The following HS3ST4 variants were observed in gnomAD, a reference collection of about 807,000 sequenced individuals.
HS3ST4 encodes heparan sulfate glucosamine 3-O-sulfotransferase 4.
HS3ST4 carries 17 observed loss-of-function variants against 29.2 expected under a neutral mutation model. The observed-to-expected ratio is 0.58, with a 90% CI of 0.40 to 0.87. HS3ST4 has a LOEUF of 0.87. Ranked by LOEUF, HS3ST4 falls within the 40% of genes least tolerant of loss-of-function variation. The probability of loss-of-function intolerance (pLI) is 0.00; values close to 1 mark genes in which losing one functional copy is unlikely to be tolerated. For synonymous variants in HS3ST4, 314 were observed against 285.7 expected, an observed-to-expected ratio of 1.10 and a Z score of -1.00; for missense variants, 627 against 634.5, an observed-to-expected ratio of 0.99 and a Z score of 0.13.
intron 1 of HS3ST4, among the ~76,000 whole-genome samples, chr16:25,976,283 A>G (rs1281986700): frequency 1.3e-5 from 2 of 152,108 alleles, no homozygotes; most frequent in Non-Finnish European, 2.9e-5. Flanking sequence ...TTATCTGCTC[A>G]TATTTCTCCA....
At chr16:25,795,934 T>C (rs1423696097) in intron 1 of HS3ST4, among the ~76,000 whole-genome samples, 1 of 150,418 alleles carries the variant, frequency 6.6e-6, no homozygotes, top group Non-Finnish European at 1.5e-5. Flanking sequence ...ACTGTGAGAC[T>C]GTCAAAACTC....
intron 1 of HS3ST4, among the ~76,000 whole-genome samples, chr16:26,117,350 G>A (rs1469339493): frequency 6.6e-6 from 1 of 152,218 alleles, no homozygotes; most frequent in Non-Finnish European, 1.5e-5. Flanking sequence ...TTGAGGAAGA[G>A]ACAGGCTGAA....
intron 1 of HS3ST4, among the ~76,000 whole-genome samples, chr16:25,817,614 G>T (rs754687939): frequency 6.6e-6 from 1 of 152,176 alleles, no homozygotes; most frequent in Non-Finnish European, 1.5e-5. Context: ...GTATAACGTG[G>T]CAGTTAAAAG....
Position 26,041,308 on chromosome 16 carries a change from C to A in HS3ST4, c.735-94304C>A, listed in dbSNP as rs148011700. 5.3e-5 allele frequency among the ~76,000 whole-genome samples: 8 copies of A among 151,860 alleles called. No individual in the cohort carries two copies. In the East Asian group the frequency reaches 1.5e-3, roughly 29 times the overall value. On this transcript the variant is annotated intron_variant, in intron 1 of 1. Coordinates refer to ENST00000331351, the MANE Select transcript of HS3ST4 (RefSeq NM_006040.3). ...GTGAGCTATGATCATGCACTGCACT[C>A]CAGCTTGGGCAACAGAGTGAGGCTA...
At position 25,693,491 on chromosome 16, in the gene HS3ST4, G is replaced by C. The variant is rs147823235; in HGVS notation, c.734+340G>C. ...GGTGTTTCCGAAACCAGGCTCTTGC[G>C]GGGTTCTGGGATTCTGGGCAGAGGA... On this transcript the variant is annotated intron_variant, in intron 1 of 1. Coordinates refer to ENST00000331351, the MANE Select transcript of HS3ST4 (RefSeq NM_006040.3). Among the ~76,000 whole-genome samples the C allele has an allele frequency of 4.2e-3, 642 of 152,292 alleles. 4 individuals are homozygous for C. Among genetic ancestry groups the C allele is most frequent in the African/African-American group, 0.014 (582 of 41,554 alleles).
intron 1 of HS3ST4, among the ~76,000 whole-genome samples, chr16:25,729,753 C>T (rs1056317421): frequency 1.3e-5 from 2 of 152,104 alleles, no homozygotes; most frequent in African/African-American, 2.4e-5. Context: ...TTTCACTGCT[C>T]GTGGTATAAT....
At chr16:26,107,298 T>G (rs959304593) in intron 1 of HS3ST4, among the ~76,000 whole-genome samples, 1 of 149,822 alleles carries the variant, frequency 6.7e-6, no homozygotes, top group African/African-American at 2.5e-5. Flanking sequence ...TTTATATATG[T>G]GTGTGTGTGT....
At chr16:26,071,432 G>A (rs755648426) in intron 1 of HS3ST4, among the ~76,000 whole-genome samples, 2 of 152,076 alleles carry the variant, frequency 1.3e-5, no homozygotes, top group Non-Finnish European at 2.9e-5. Context: ...GGAAAAGGAA[G>A]TATTTCAGTG....
intron 1 of HS3ST4, among the ~76,000 whole-genome samples, chr16:25,772,722 T>A (rs1434287635): frequency 6.6e-6 from 1 of 152,204 alleles, no homozygotes; most frequent in African/African-American, 2.4e-5. Context: ...TGAGAGACAT[T>A]TAAGTCTGAG....
intron 1 of HS3ST4, among the ~76,000 whole-genome samples, chr16:25,722,257 A>G (rs1193941115): frequency 6.6e-6 from 1 of 152,204 alleles, no homozygotes; most frequent in Non-Finnish European, 1.5e-5. Flanking sequence ...GCAGGGCTCT[A>G]CCAGATCTCA....
intron 1 of HS3ST4, among the ~76,000 whole-genome samples, chr16:25,795,885 C>T (rs1392746974): frequency 6.6e-6 from 1 of 152,160 alleles, no homozygotes; most frequent in African/African-American, 2.4e-5. Context: ...GAACACTTCT[C>T]GCTGGCGGGT....
At chr16:25,799,604 C>T (rs955346068) in intron 1 of HS3ST4, among the ~76,000 whole-genome samples, 5 of 152,146 alleles carry the variant, frequency 3.3e-5, no homozygotes, top group African/African-American at 1.2e-4. Flanking sequence ...ACTCTGGAGA[C>T]ATAGACATGG....
intron 1 of HS3ST4, among the ~76,000 whole-genome samples, chr16:26,127,451 CAA>C (rs773875938): frequency 4.6e-5 from 7 of 152,182 alleles, no homozygotes; most frequent in African/African-American, 9.7e-5. Flanking sequence ...TTACTCAAAA[CAA>C]AACAAAATTC....
intron 1 of HS3ST4, among the ~76,000 whole-genome samples, chr16:26,086,811 G>A (rs1397973402): frequency 6.6e-6 from 1 of 152,172 alleles, no homozygotes; most frequent in East Asian, 1.9e-4. Context: ...GTCTCTGAAT[G>A]TGTCTTCCAT....
intron 1 of HS3ST4, among the ~76,000 whole-genome samples, chr16:25,828,298 TTCCCTCTCTCTC>T (rs1967252666): frequency 3.6e-5 from 1 of 27,886 alleles, no homozygotes; most frequent in Non-Finnish European, 7.0e-5. Context: ...CTTTCTTTCT[TTCCCTCTCTCTC>T]TCTCTCTCTC....
At chr16:25,718,978 T>C (rs1406939571) in intron 1 of HS3ST4, among the ~76,000 whole-genome samples, 1 of 152,176 alleles carries the variant, frequency 6.6e-6, no homozygotes, top group Non-Finnish European at 1.5e-5. Context: ...AGATGTAGTT[T>C]GATGGAAGTA....
At chr16:25,706,212 C>A (rs1325061966) in intron 1 of HS3ST4, among the ~76,000 whole-genome samples, 1 of 152,134 alleles carries the variant, frequency 6.6e-6, no homozygotes, top group Non-Finnish European at 1.5e-5. Context: ...ACGGGTCACA[C>A]TTGCTTCTTA....
At chr16:25,828,232 T>TTC (rs1329245380) in intron 1 of HS3ST4, among the ~76,000 whole-genome samples, 5 of 83,382 alleles carry the variant, frequency 6.0e-5, no homozygotes, top group African/African-American at 3.0e-4. Flanking sequence ...CTTTCTTTCT[T>TTC]TCTTTCTTTC....
In HS3ST4 at chr16:25,692,600, C is replaced by G; in HGVS notation, c.183C>G (p.Phe61Leu). 7.1e-7 allele frequency: 1 copy of G among 1,402,568 alleles called. No homozygotes were observed. The highest frequency in any genetic ancestry group is 1.5e-5 in the African/African-American group (1 of 66,766). 86.9% of individuals were successfully genotyped at this position (1,402,568 alleles called of 1,614,324 possible). ...SLLGGSGSLQ[F>L]PLALQESPGA... ...TGGGCGGCTCGGGCTCCCTGCAATT[C>G]CCTCTGGCGCTGCAGGAGTCGCCGG... The change falls in exon 1 of 2, where the codon TTC (phenylalanine) becomes TTG (leucine). Residue 61 changes from phenylalanine (F) to leucine (L), a missense_variant. Physicochemically the swap from Phe to Leu is conservative, Grantham distance 22. This residue lies in a region of HS3ST4 where 402 missense variants were observed against 340.8 expected (regional missense o/e 1.18). Transcript: ENST00000331351.
Sources: gnomAD v4.1 joint callset for allele counts (sites outside exome capture counted in the v4.1 genomes callset) on GRCh38, gnomAD v4.1.1 for gene constraint, gnomAD v4.1.1 regional missense constraint, MANE v1.5 for transcripts, NCBI Gene and HGNC (gene_info 2026-07-23, HGNC 2026-07-21) for gene names.